Variants in ANO8 observed in about 807,000 individuals in gnomAD.
The protein encoded by ANO8 is anoctamin-8.
A neutral mutation model predicts 120.4 loss-of-function variants in ANO8; 67 were observed. The ratio of observed to expected loss-of-function variants is 0.56; its 90% confidence interval spans 0.46 to 0.68. The LOEUF (loss-of-function observed/expected upper bound fraction) is 0.68, where lower values mean the gene tolerates loss of function less well. ANO8 is among the 30% of genes least tolerant of loss of function. The pLI is 0.00. For missense variants in ANO8, 1,526 were observed against 1,737.6 expected (o/e 0.88, Z 2.16); for synonymous variants, 727 against 759.2 (o/e 0.96, Z 0.70).
At chr19:17,334,521 C>A in intron 1 of ANO8, 44 bp downstream of exon 1, 2 of 1,467,982 alleles carry the variant, frequency 1.4e-6, no homozygotes, top group East Asian at 2.8e-5. Flanking sequence ...CGCGGGCTCC[C>A]CAGGCACCTG....
chr19:17,330,246 C>T lies in ANO8; in HGVS notation c.1152G>A (p.Leu384=), dbSNP rs2074307012. The change falls in exon 10 of 18, where the codon CTG becomes CTA. Residue 384 remains leucine (L), a synonymous_variant. Transcript: ENST00000159087. The part of the protein sequence containing the change: ...LMLGCFQLQE[L]VLSVKGLPRL... ...GGGGCAACCCCTTCACGCTCAGCAC[C>T]AGCTCCTGCGGGAGAAGGGGGTTCA... The T allele has an allele frequency of 6.2e-7, 1 of 1,614,002 alleles. No individual in the cohort carries two copies. Among genetic ancestry groups the T allele is most frequent in the Admixed American group, 1.7e-5 (1 of 60,020 alleles).
chr19:17,333,242 G>T lies in ANO8; in HGVS notation c.351-3C>A. ...GCTCGTCGGCCCCTCGGAGTAGGCT[G>T]TGAAGAAGGCGGAGGAGGTGGGCTC... On this transcript the variant is annotated splice_polypyrimidine_tract_variant and splice_region_variant and intron_variant, in intron 3 of 17. Coordinates refer to ENST00000159087, the MANE Select transcript of ANO8 (RefSeq NM_020959.3). This position sits in a 1 kb window ranked among gnomAD's most constrained non-coding sequence, Gnocchi z 7.2. 1 of 1,608,568 alleles carries T rather than the reference G, an allele frequency of 6.2e-7. No homozygotes were observed.
chr19:17,328,396 C>T lies in ANO8; in HGVS notation c.1992G>A (p.Glu664=), dbSNP rs1371488890. ...FTLAEEDDEA[E]GAPGSPEREP... ...CCCGTTCAGGGCTGCCGGGAGCCCC[C>T]TCCGCCTCGTCGTCCTCCTCGGCCA... Residue 664 remains glutamate (E), a synonymous_variant, in exon 13 of 18, where the codon GAG becomes GAA. Transcript: ENST00000159087. 3.2e-6 allele frequency: 5 copies of T among 1,571,596 alleles called. No individual in the cohort carries two copies. In the South Asian group the frequency reaches 5.7e-5, roughly 18 times the overall value.
In ANO8 at chr19:17,328,694, C is replaced by A; in HGVS notation, c.1694G>T (p.Arg565Leu). The A allele has an allele frequency of 7.2e-7, 1 of 1,391,008 alleles. No individual in the cohort carries two copies. The highest frequency in any genetic ancestry group is 9.4e-7 in the Non-Finnish European group (1 of 1,063,728). The allele number at this position is 1,391,008 out of a possible 1,614,324, so 86.2% of individuals were successfully genotyped here. ...EEEEAALVERRRAGEGGEEGD... is the reference protein window; with the variant it reads ...EEEEAALVERLRAGEGGEEGD... ...CTCCTCCCCGCCTTCCCCCGCCCGCCGCCGCTCCACCAGCGCCGCCTCCTC... is the reference window on the plus strand; with the variant it reads ...CTCCTCCCCGCCTTCCCCCGCCCGCAGCCGCTCCACCAGCGCCGCCTCCTC... Residue 565 changes from arginine (R) to leucine (L), a missense_variant, in exon 13 of 18, where the codon CGG (arginine) becomes CTG (leucine). Coordinates refer to ENST00000159087, the MANE Select transcript of ANO8 (RefSeq NM_020959.3).
rs2074293044 is a variant in ANO8, at chr19:17,328,623, CCTCGTCGTCCTCGTCCTCCTCCTT to C, written c.1741_1764del (p.Lys581_Glu588del). ...TCCTCTTCCTCCTCGTCCTCCTCCT[CCTCGTCGTCCTCGTCCTCCTCCTT>C]GCCCCCTGGAGGCCCGTCCCCCTCC... On this transcript the variant is annotated inframe_deletion, in exon 13 of 18. Coordinates refer to ENST00000159087, the MANE Select transcript of ANO8 (RefSeq NM_020959.3). The C allele has an allele frequency of 1.3e-6, 2 of 1,534,972 alleles. No homozygotes were observed. The highest frequency in any genetic ancestry group is 4.0e-5 in the Admixed American group (2 of 50,242).
Position 17,328,770 on chromosome 19 carries a change from C to A in ANO8, c.1618G>T (p.Gly540Cys). The A allele has an allele frequency of 8.3e-6, 11 of 1,323,574 alleles. No individual in the cohort carries two copies. Among genetic ancestry groups the A allele is most frequent in the Non-Finnish European group, 1.1e-5 (11 of 1,044,622 alleles). The allele number at this position is 1,323,574 out of a possible 1,614,324, so 82.0% of individuals were successfully genotyped here. A position where few individuals can be genotyped will look rare whatever the true frequency, so the allele number is the denominator to read the frequency against. Reference protein sequence around the residue: ...ADEGGGGGSGGGGRRCLSGGC... With the variant: ...ADEGGGGGSGCGGRRCLSGGC... ...CCGCTGAGGCACCTGCGGCCCCCGC[C>A]CCCGCTGCCGCCGCCCCCGCCCTCA... Residue 540 changes from glycine (G) to cysteine (C), a missense_variant, in exon 13 of 18, where the codon GGC (glycine) becomes TGC (cysteine). Gly to Cys is a radical substitution (Grantham distance 159). This residue lies in a region of ANO8 where 467 missense variants were observed against 425.8 expected (regional missense o/e 1.10). Transcript: ENST00000159087.
chr19:17,324,310 C>A (rs2074258398), intron 17 of ANO8, among the ~76,000 whole-genome samples: 1 of 152,046 alleles, frequency 6.6e-6, no homozygotes, highest in South Asian at 2.1e-4. Flanking sequence ...GGAAGGCCTT[C>A]CTGAACAGCT....
At position 17,323,314 on chromosome 19, in the gene ANO8, T is replaced by TGTGTGG; in HGVS notation, c.*202_*203insCCACAC. On this transcript the variant is annotated 3_prime_UTR_variant, in exon 18 of 18. Transcript: ENST00000159087. ...AACAAATAAATAATCGCCTGTTCTG[T>TGTGTGG]GTGTGTGTGTGTGTGTGTGTGTGTG... is the stretch of plus-strand genomic sequence containing the variant. The TGTGTGG allele has an allele frequency of 3.9e-6, 1 of 255,320 alleles. No homozygotes were observed. Among genetic ancestry groups the TGTGTGG allele is most frequent in the Non-Finnish European group, 6.5e-6 (1 of 153,998 alleles). 15.8% of individuals were successfully genotyped at this position (255,320 alleles called of 1,614,324 possible).
chr19:17,330,412 G>C lies in ANO8; in HGVS notation c.1086C>G (p.Pro362=). Residue 362 remains proline (P), a synonymous_variant, in exon 9 of 18, where the codon CCC becomes CCG. Transcript: ENST00000159087. ...RLLFQLLVSL[P]LCLACLVCVF... Reference sequence around the variant, plus strand: ...CACAGACGAGGCACGCCAGGCACAGGGGGAGGCTCACAAGCAGCTGGAAGA... The same window carrying C: ...CACAGACGAGGCACGCCAGGCACAGCGGGAGGCTCACAAGCAGCTGGAAGA... 4 of 1,578,850 alleles carry C rather than the reference G, an allele frequency of 2.5e-6. No homozygotes were observed. Among genetic ancestry groups the C allele is most frequent in the Non-Finnish European group, 3.4e-6 (4 of 1,162,836 alleles).
At chr19:17,325,497 C>T (rs2074268698) in intron 16 of ANO8, 111 bp from the exon 17 acceptor site, 2 of 1,408,308 alleles carry the variant, frequency 1.4e-6, no homozygotes, top group South Asian at 1.5e-5. Flanking sequence ...GACTTAAATG[C>T]TTATTAGGCT....
chr19:17,323,738 CGCCCCCGCA>C lies in ANO8; in HGVS notation c.3469_3477del (p.Cys1157_Gly1159del). ...AGGGCCTGGCGGGGGGCGGCACCCT[CGCCCCCGCA>C]GCCCCAGGGCCCGTCCCACTGCCAG... On this transcript the variant is annotated inframe_deletion, in exon 18 of 18. Coordinates refer to ENST00000159087, the MANE Select transcript of ANO8 (RefSeq NM_020959.3). 6 of 1,204,466 alleles carry C rather than the reference CGCCCCCGCA, an allele frequency of 5.0e-6. No individual in the cohort carries two copies. Among genetic ancestry groups the C allele is most frequent in the Non-Finnish European group, 6.2e-6 (6 of 969,806 alleles). The allele number at this position is 1,204,466 out of a possible 1,614,324, so 74.6% of individuals were successfully genotyped here.
At position 17,327,762 on chromosome 19, in the gene ANO8, C is replaced by T; in HGVS notation, c.2345G>A (p.Ser782Asn). 3.7e-6 allele frequency: 6 copies of T among 1,614,142 alleles called. No individual in the cohort carries two copies. Among genetic ancestry groups the T allele is most frequent in the Non-Finnish European group, 4.2e-6 (5 of 1,180,006 alleles). The change falls in exon 14 of 18, where the codon AGC becomes AAC. Residue 782 changes from serine to asparagine, a missense_variant. By Grantham distance (46) the Ser-to-Asn change is conservative (BLOSUM62 1). This residue lies in a region of ANO8 where 77 missense variants were observed against 131.5 expected (regional missense o/e 0.59). Transcript: ENST00000159087. Reference sequence around the variant, plus strand: ...CCCGGTGCACAGCTTGAAGGCGTCGCTGCGGATCTCAATGAGGTTGTTGAC... The same window carrying T: ...CCCGGTGCACAGCTTGAAGGCGTCGTTGCGGATCTCAATGAGGTTGTTGAC... Reference protein sequence around the residue: ...ALVNNLIEIRSDAFKLCTGLQ... With the variant: ...ALVNNLIEIRNDAFKLCTGLQ...
At chr19:17,325,974 G>C (rs1351841440) in intron 16 of ANO8, among the ~76,000 whole-genome samples, 1 of 152,142 alleles carries the variant, frequency 6.6e-6, no homozygotes, top group Non-Finnish European at 1.5e-5. Context: ...TTCATCTCTG[G>C]GCCCACACTG....
At chr19:17,329,592 C>T in intron 12 of ANO8, 165 bp downstream of exon 12, 2 of 623,882 alleles carry the variant, frequency 3.2e-6, no homozygotes, top group Non-Finnish European at 5.7e-6. Context: ...GGACGACAGG[C>T]AGAGAGAGGA....
rs767113788 is a variant in ANO8, at chr19:17,324,733, G to C, written c.3315C>G (p.Pro1105=). 18 of 1,523,430 alleles carry C rather than the reference G, an allele frequency of 1.2e-5. No homozygotes were observed. The East Asian group carries it at 2.3e-4, about 19-fold the overall frequency. 94.4% of individuals were successfully genotyped at this position (1,523,430 alleles called of 1,614,324 possible). The change falls in exon 17 of 18, where the codon CCC becomes CCG. Residue 1105 remains proline, a synonymous_variant. Transcript: ENST00000159087. ...ALAEELEAPR[P]EEEGSGTALA... ...GCTTGTGACCTGAGCCTTCCTCTTC[G>C]GGCCGGGGGGCTTCCAGCTCCTCAG...
chr19:17,325,519 C>T, intron 16 of ANO8, 133 bp from the exon 17 acceptor site: 1 of 1,308,146 alleles, frequency 7.6e-7, no homozygotes, highest in South Asian at 1.6e-5. Flanking sequence ...CAACTGTATC[C>T]CTGCACCCAC....
rs776890063 is a variant in ANO8, at chr19:17,333,647, C to T, written c.217+43G>A. ...TTCTGGGAAGCCGAGCTCAGGAGAG[C>T]CGCATCTGGGCACTGGGCGGGCGGG... is the stretch of plus-strand genomic sequence containing the variant. On this transcript the variant is annotated intron_variant, in intron 2 of 17. Coordinates refer to ENST00000159087, the MANE Select transcript of ANO8 (RefSeq NM_020959.3). The surrounding 1 kb of genome is among the most constrained non-coding windows in gnomAD (Gnocchi z 7.2). 1 of 1,207,216 alleles carries T rather than the reference C, an allele frequency of 8.3e-7. No homozygotes were observed. Among genetic ancestry groups the T allele is most frequent in the South Asian group, 1.2e-5 (1 of 83,660 alleles). The allele number at this position is 1,207,216 out of a possible 1,614,324, so 74.8% of individuals were successfully genotyped here.
rs555530672 is a variant in ANO8 at position 17,331,759 on chromosome 19, G to A, written c.587-348C>T. Among the ~76,000 whole-genome samples, 305 of 151,588 alleles carry A rather than the reference G, an allele frequency of 2.0e-3. 1 individual carries two copies. Among genetic ancestry groups the A allele is most frequent in the African/African-American group, 6.8e-3 (282 of 41,328 alleles). ...AGCGATTATCGTGCCTCAGCCTCCG[G>A]AGTAGCTGGGATTATAGGCGCCCAC... On this transcript the variant is annotated intron_variant, in intron 5 of 17. Coordinates refer to ENST00000159087, the MANE Select transcript of ANO8 (RefSeq NM_020959.3).
chr19:17,329,888 C>T, intron 11 of ANO8, 57 bp from the exon 12 acceptor site: 1 of 1,613,782 alleles, frequency 6.2e-7, no homozygotes, highest in African/African-American at 1.3e-5. Flanking sequence ...TCCTTGGAGC[C>T]TTCCTTGTGC....
Sources: allele counts gnomAD v4.1 joint callset (sites outside exome capture counted in the v4.1 genomes callset), GRCh38; gene constraint gnomAD v4.1.1; regional missense constraint gnomAD v4.1.1; non-coding constraint Gnocchi (gnomAD v3.1); transcripts MANE v1.5; gene names NCBI Gene and HGNC (gene_info 2026-07-23, HGNC 2026-07-21).